The following MCC variants were observed in gnomAD, a reference collection of about 807,000 sequenced individuals.
MCC encodes the protein colorectal mutant cancer protein.
MCC carries 90 observed loss-of-function variants against 116.2 expected under a neutral mutation model. That is an observed-to-expected ratio of 0.77 (90% CI 0.65 to 0.92). The LOEUF is 0.92. Ranked by LOEUF, MCC falls within the 40% of genes least tolerant of loss-of-function variation. MCC has a pLI of 0.00. For synonymous variants in MCC, 578 were observed against 510.5 expected, an observed-to-expected ratio of 1.13 and a Z score of -1.78; for missense variants, 1,516 against 1,312.2, an observed-to-expected ratio of 1.16 and a Z score of -2.40.
intron 3 of MCC, among the ~76,000 whole-genome samples, chr5:113,167,472 C>T (rs1477386885): frequency 6.6e-6 from 1 of 152,118 alleles, no homozygotes; most frequent in Non-Finnish European, 1.5e-5. Flanking sequence ...AAAGGAACAG[C>T]TTCCTCATCC....
intron 1 of MCC, among the ~76,000 whole-genome samples, chr5:113,389,784 T>G (rs1769359835): frequency 6.6e-6 from 1 of 152,206 alleles, no homozygotes; most frequent in Non-Finnish European, 1.5e-5. Flanking sequence ...GAATGATACT[T>G]AAACTCTCAG....
chr5:113,065,419 C>A (rs755468007), intron 13 of MCC, among the ~76,000 whole-genome samples: 8 of 152,158 alleles, frequency 5.3e-5, no homozygotes, highest in Non-Finnish European at 8.8e-5. Context: ...CTGAACAAAT[C>A]ACTGGTTTGC....
intron 3 of MCC, among the ~76,000 whole-genome samples, chr5:113,228,923 G>T (rs528679359): frequency 2.6e-5 from 4 of 152,166 alleles, no homozygotes; most frequent in Non-Finnish European, 1.5e-5. Flanking sequence ...AAAAATGGAA[G>T]GATTGGGTTG....
chr5:113,254,072 G>A (rs1487595402), intron 3 of MCC, among the ~76,000 whole-genome samples: 2 of 152,166 alleles, frequency 1.3e-5, no homozygotes, highest in Non-Finnish European at 2.9e-5. Context: ...CTCATAAAAT[G>A]TCACAATATC....
chr5:113,162,853 A>G (rs1476417785), intron 3 of MCC, among the ~76,000 whole-genome samples: 10 of 152,146 alleles, frequency 6.6e-5, no homozygotes, highest in African/African-American at 1.9e-4. Flanking sequence ...TGCCTGCTAA[A>G]AAGTGTCAAA....
chr5:113,233,463 T>C (rs964052396), intron 3 of MCC, among the ~76,000 whole-genome samples: 2 of 152,194 alleles, frequency 1.3e-5, no homozygotes, highest in Non-Finnish European at 2.9e-5. Context: ...CAAATATGAA[T>C]GCAATGAAGT....
At chr5:113,069,566 T>C (rs1474475055) in intron 12 of MCC, among the ~76,000 whole-genome samples, 1 of 152,238 alleles carries the variant, frequency 6.6e-6, no homozygotes, top group East Asian at 1.9e-4. Context: ...TTTCCTTTGA[T>C]TGCCTTTCTT....
chr5:113,163,085 A>T (rs1760582130), intron 3 of MCC, among the ~76,000 whole-genome samples: 1 of 152,176 alleles, frequency 6.6e-6, no homozygotes, highest in Admixed American at 6.5e-5. Flanking sequence ...AACAGCCTGG[A>T]AACTGGAGTA....
At chr5:113,201,387 C>CAAAA (rs68052804) in intron 3 of MCC, among the ~76,000 whole-genome samples, 1 of 128,278 alleles carries the variant, frequency 7.8e-6, no homozygotes. Flanking sequence ...ACGCCATCTC[C>CAAAA]AAAAAAAAAA....
intron 3 of MCC, among the ~76,000 whole-genome samples, chr5:113,246,981 C>T (rs1023915884): frequency 1.2e-4 from 19 of 152,170 alleles, no homozygotes; most frequent in Admixed American, 5.9e-4. Flanking sequence ...AGGCTCTCTG[C>T]GACTTCCAGA....
At chr5:113,410,261 T>C (rs535294089) in intron 1 of MCC, among the ~76,000 whole-genome samples, 1 of 152,352 alleles carries the variant, frequency 6.6e-6, no homozygotes, top group East Asian at 1.9e-4. Context: ...TTATGGATTT[T>C]TATATCCATT....
intron 3 of MCC, among the ~76,000 whole-genome samples, chr5:113,307,827 A>G (rs945327685): frequency 6.6e-6 from 1 of 152,180 alleles, no homozygotes; most frequent in African/African-American, 2.4e-5. Flanking sequence ...TTTATCCCTG[A>G]CCACTTGAAT....
chr5:113,124,223 T>G (rs1443673705), intron 5 of MCC, among the ~76,000 whole-genome samples: 1 of 152,214 alleles, frequency 6.6e-6, no homozygotes, highest in African/African-American at 2.4e-5. Context: ...AATAAGTTAA[T>G]TATTAGACAT....
intron 3 of MCC, among the ~76,000 whole-genome samples, chr5:113,230,554 C>T (rs891983439): frequency 6.6e-6 from 1 of 152,196 alleles, no homozygotes; most frequent in African/African-American, 2.4e-5. Flanking sequence ...ATTTTTCACA[C>T]TGACTTTTCA....
intron 7 of MCC, among the ~76,000 whole-genome samples, 174 bp downstream of exon 7, chr5:113,104,018 C>G (rs1478855392): frequency 6.6e-6 from 1 of 151,792 alleles, no homozygotes; most frequent in African/African-American, 2.4e-5. Flanking sequence ...ATAAATCAGC[C>G]CAACCAAAAT....
At chr5:113,294,981 G>T in intron 3 of MCC, 1 of 985,454 alleles carries the variant, frequency 1.0e-6, no homozygotes, top group Non-Finnish European at 1.2e-6. Context: ...TGCTGGCCAC[G>T]GGGTGCGCGG....
rs1170228214 is a variant in MCC at position 113,241,680 on chromosome 5, TAC to T, written c.628-90260_628-90259del. Among the ~76,000 whole-genome samples the T allele has an allele frequency of 5.9e-5, 9 of 152,190 alleles. No homozygotes were observed. The East Asian group carries it at 1.5e-3, about 26-fold the overall frequency. ...TATGAAGACCACAGACCTCAGTTAC[TAC>T]AGGCTTTGACTGAAATCAAAAAAGG... On this transcript the variant is annotated intron_variant, in intron 3 of 18. Transcript: ENST00000408903.
chr5:113,218,204 T>A (rs541332023), intron 3 of MCC, among the ~76,000 whole-genome samples: 1 of 152,216 alleles, frequency 6.6e-6, no homozygotes, highest in East Asian at 1.9e-4. Flanking sequence ...CGACATTGGC[T>A]TATCGCCTCA....
At chr5:113,060,240 C>T (rs569026195) in intron 14 of MCC, among the ~76,000 whole-genome samples, 2 of 152,110 alleles carry the variant, frequency 1.3e-5, no homozygotes, top group Non-Finnish European at 2.9e-5. Flanking sequence ...CCACAGCCTC[C>T]GCCTCCTGGG....
Sources: allele counts gnomAD v4.1 joint callset (sites outside exome capture counted in the v4.1 genomes callset), GRCh38; gene constraint gnomAD v4.1.1; transcripts MANE v1.5; gene names NCBI Gene and HGNC (gene_info 2026-07-23, HGNC 2026-07-21).